The following CACNB2 variants were observed in gnomAD, a reference collection of about 807,000 sequenced individuals.
CACNB2 encodes voltage-dependent L-type calcium channel subunit beta-2.
In CACNB2, 42 loss-of-function variants were observed where a neutral mutation model predicts 73.3. That is an observed-to-expected ratio of 0.57 (90% CI 0.45 to 0.74). The LOEUF (loss-of-function observed/expected upper bound fraction) is 0.74. CACNB2 is among the 30% of genes least tolerant of loss of function. The probability of loss-of-function intolerance (pLI) is 0.00; values close to 1 mark genes in which losing one functional copy is unlikely to be tolerated. For synonymous variants in CACNB2, 348 were observed against 310.3 expected (o/e 1.12, Z -1.28); for missense variants, 940 against 853.0 (o/e 1.10, Z -1.27).
At chr10:18,261,831 C>T (rs928251340) in intron 2 of CACNB2, 1 of 447,820 alleles carries the variant, frequency 2.2e-6, no homozygotes, top group Admixed American at 2.5e-5. Flanking sequence ...GTGACTCTTT[C>T]ACTGAAATAG....
chr10:18,478,694 G>A (rs375855165), intron 3 of CACNB2, among the ~76,000 whole-genome samples: 1 of 152,204 alleles, frequency 6.6e-6, no homozygotes, highest in African/African-American at 2.4e-5. Context: ...GGCCAAACAA[G>A]TTATGGGAGT....
intron 2 of CACNB2, among the ~76,000 whole-genome samples, chr10:18,186,153 C>T (rs906816702): frequency 3.3e-5 from 5 of 152,078 alleles, no homozygotes; most frequent in East Asian, 1.9e-4. Context: ...GGCATGGTAG[C>T]GCACACCTGT....
In CACNB2 at chr10:18,440,145, G is replaced by A. The variant is rs144669941; in HGVS notation, c.333+38102G>A. Among the ~76,000 whole-genome samples the A allele has an allele frequency of 3.1e-3, 470 of 152,160 alleles. 1 individual carries two copies. The highest frequency in any genetic ancestry group is 0.011 in the African/African-American group (438 of 41,506). On this transcript the variant is annotated intron_variant, in intron 3 of 13. Coordinates refer to ENST00000324631, the MANE Select transcript of CACNB2 (RefSeq NM_201596.3). ...GTTGCTGTGTCTTCATGTGGGAGAG[G>A]GAGTGGAAGGGCAAAAAAGGATGGA...
At chr10:18,474,038 C>G (rs1481621848) in intron 3 of CACNB2, among the ~76,000 whole-genome samples, 1 of 152,136 alleles carries the variant, frequency 6.6e-6, no homozygotes, top group African/African-American at 2.4e-5. Context: ...TCTTTTATCT[C>G]TAATAGTTAA....
intron 3 of CACNB2, among the ~76,000 whole-genome samples, chr10:18,408,132 A>G (rs2044395914): frequency 6.6e-6 from 1 of 152,118 alleles, no homozygotes; most frequent in Non-Finnish European, 1.5e-5. Flanking sequence ...GACTACCTAC[A>G]CAAAGATCAT....
At chr10:18,275,496 G>T (rs1053765167) in intron 2 of CACNB2, among the ~76,000 whole-genome samples, 1 of 152,148 alleles carries the variant, frequency 6.6e-6, no homozygotes, top group South Asian at 2.1e-4. Flanking sequence ...ATAGCTAGTG[G>T]ATGCTGGGCT....
intron 2 of CACNB2, among the ~76,000 whole-genome samples, chr10:18,197,115 G>A (rs2034660995): frequency 6.6e-6 from 1 of 151,994 alleles, no homozygotes; most frequent in Non-Finnish European, 1.5e-5. Context: ...TCCCTATAAT[G>A]ATCATGACAT....
chr10:18,260,677 C>T (rs2037496328), intron 2 of CACNB2: 4 of 989,486 alleles, frequency 4.0e-6, no homozygotes, highest in Admixed American at 5.8e-5. Context: ...ATGCCCAAAA[C>T]GTTACAGAGG....
rs544732217 is a variant in CACNB2, at chr10:18,506,718, G to GT, written c.670+178dup. 6.7e-3 allele frequency among the ~76,000 whole-genome samples: 1,024 copies of GT among 152,280 alleles called. 16 individuals are homozygous for GT. Among genetic ancestry groups the GT allele is most frequent in the African/African-American group, 0.024 (989 of 41,558 alleles). On this transcript the variant is annotated intron_variant, in intron 6 of 13. Coordinates refer to ENST00000324631, the MANE Select transcript of CACNB2 (RefSeq NM_201596.3). ...GGAGTTACAAACAATATGGGGAAAT[G>GT]TTTTTTTCTGGCTGGAAAAAGAAGT...
Position 18,517,939 on chromosome 10 carries a change from C to A in CACNB2, c.805-397C>A, listed in dbSNP as rs373753724. ...TCCTCTGTAATTAACCATGTTAGGTCTAATCACTACAACTCTTTAGAAAAT... is the reference window on the plus strand; with the variant it reads ...TCCTCTGTAATTAACCATGTTAGGTATAATCACTACAACTCTTTAGAAAAT... On this transcript the variant is annotated intron_variant, in intron 7 of 13. Coordinates refer to ENST00000324631, the MANE Select transcript of CACNB2 (RefSeq NM_201596.3). Among the ~76,000 whole-genome samples the A allele has an allele frequency of 9.2e-5, 14 of 152,280 alleles. No individual in the cohort carries two copies. In the East Asian group the frequency reaches 1.3e-3, roughly 15 times the overall value.
intron 3 of CACNB2, among the ~76,000 whole-genome samples, chr10:18,468,757 A>T (rs1167158887): frequency 1.3e-5 from 2 of 151,804 alleles, no homozygotes; most frequent in African/African-American, 4.8e-5. Context: ...GCACCACCAC[A>T]CCCAGCTAAT....
Position 18,498,532 on chromosome 10 carries a change from T to C in CACNB2, c.456+55T>C, listed in dbSNP as rs761879312. On this transcript the variant is annotated intron_variant, in intron 4 of 13. Transcript: ENST00000324631. Reference sequence around the variant, plus strand: ...CATGATGTTTCACCTTGACATACCATTTCTTATTTCCTATTCATATGCCGT... The same window carrying C: ...CATGATGTTTCACCTTGACATACCACTTCTTATTTCCTATTCATATGCCGT... The C allele has an allele frequency of 1.3e-4, 202 of 1,581,412 alleles. 1 individual carries two copies. Among genetic ancestry groups the C allele is most frequent in the Non-Finnish European group, 1.7e-4 (201 of 1,152,540 alleles).
intron 9 of CACNB2, among the ~76,000 whole-genome samples, chr10:18,523,247 AG>A (rs1367516093): frequency 2.6e-5 from 4 of 152,200 alleles, no homozygotes; most frequent in African/African-American, 9.6e-5. Context: ...CTGCTAACAA[AG>A]GCACTGTGTT....
intron 2 of CACNB2, among the ~76,000 whole-genome samples, chr10:18,282,174 A>G (rs2038581966): frequency 6.6e-6 from 1 of 152,034 alleles, no homozygotes; most frequent in Non-Finnish European, 1.5e-5. Flanking sequence ...AGGGGCAGTC[A>G]TTACCCCACA....
intron 3 of CACNB2, among the ~76,000 whole-genome samples, chr10:18,465,307 G>C (rs1454733377): frequency 1.3e-5 from 2 of 152,182 alleles, no homozygotes; most frequent in African/African-American, 4.8e-5. Context: ...TCCAGCCTGG[G>C]CGACAAAGCA....
intron 3 of CACNB2, among the ~76,000 whole-genome samples, chr10:18,429,401 G>T (rs938788384): frequency 6.6e-6 from 1 of 152,238 alleles, no homozygotes; most frequent in South Asian, 2.1e-4. Context: ...CGGATTCATT[G>T]TGCCTCCTGA....
rs2046283527 is a variant in CACNB2, at chr10:18,438,932, G to A, written c.333+36889G>A. Among the ~76,000 whole-genome samples, 4 of 152,226 alleles carry A rather than the reference G, an allele frequency of 2.6e-5. 1 individual carries two copies. Among genetic ancestry groups the A allele is most frequent in the Admixed American group, 2.6e-4 (4 of 15,290 alleles). ...GCAGAACACATCAGATTAAATACTTGTGATCTGGCAGGGCACGGAATAGAA... is the reference window on the plus strand; with the variant it reads ...GCAGAACACATCAGATTAAATACTTATGATCTGGCAGGGCACGGAATAGAA... On this transcript the variant is annotated intron_variant, in intron 3 of 13. Transcript: ENST00000324631.
chr10:18,518,904 T>C lies in CACNB2; in HGVS notation c.886-6T>C, dbSNP rs368130674. ...ATATCTTAATTTATTGCTTGCTCAA[T>C]TGCAGGTCACAGATATGATGCAAAA... On this transcript the variant is annotated splice_polypyrimidine_tract_variant and splice_region_variant and intron_variant, in intron 8 of 13. Coordinates refer to ENST00000324631, the MANE Select transcript of CACNB2 (RefSeq NM_201596.3). 1.6e-5 allele frequency: 25 copies of C among 1,612,898 alleles called. No individual in the cohort carries two copies. Among genetic ancestry groups the C allele is most frequent in the Non-Finnish European group, 2.0e-5 (23 of 1,179,026 alleles).
chr10:18,344,320 G>T (rs1300455541), intron 2 of CACNB2, among the ~76,000 whole-genome samples: 2 of 151,596 alleles, frequency 1.3e-5, no homozygotes, highest in Non-Finnish European at 2.9e-5. Flanking sequence ...GAGTCATTTT[G>T]TGCAGTCGCA....
Sources: gnomAD v4.1 joint callset for allele counts (sites outside exome capture counted in the v4.1 genomes callset) on GRCh38, gnomAD v4.1.1 for gene constraint, MANE v1.5 for transcripts, NCBI Gene and HGNC (gene_info 2026-07-23, HGNC 2026-07-21) for gene names.